TNK2: variants seen among roughly 807,000 people sequenced by gnomAD.
TNK2 encodes activated CDC42 kinase 1.
Under a neutral mutation model 101.8 loss-of-function variants are expected in TNK2, and 83 were observed. The ratio of observed to expected loss-of-function variants is 0.82; its 90% confidence interval spans 0.68 to 0.98. TNK2 has a LOEUF of 0.98. Ranked by LOEUF, TNK2 falls within the 50% of genes least tolerant of loss-of-function variation. TNK2 has a pLI of 0.00. For missense variants in TNK2, 1,665 were observed against 1,483.2 expected, an observed-to-expected ratio of 1.12 and a Z score of -2.01; for synonymous variants, 804 against 633.0, an observed-to-expected ratio of 1.27 and a Z score of -4.06.
chr3:195,898,596 G>T (rs1247685745), intron 1 of TNK2, among the ~76,000 whole-genome samples: 2 of 152,004 alleles, frequency 1.3e-5, no homozygotes, highest in African/African-American at 2.4e-5. Flanking sequence ...CCAAGTGTTT[G>T]CCCTTCCCTA....
At position 195,879,273 on chromosome 3, in the gene TNK2, C is replaced by A. The variant is rs934904581; in HGVS notation, c.888-98G>T. The stretch of plus-strand genomic sequence containing the variant: ...CTCATGCAGCAAACACTTGTTGTGA[C>A]CCCCTGTGCCAGGTTCAACAGTGGG... On this transcript the variant is annotated intron_variant, in intron 6 of 15. Transcript: ENST00000672887. 12 of 1,545,834 alleles carry A rather than the reference C, an allele frequency of 7.8e-6. No homozygotes were observed. In the South Asian group the frequency reaches 1.2e-4, roughly 15 times the overall value.
chr3:195,873,423 G>A (rs1577022408), intron 9 of TNK2, among the ~76,000 whole-genome samples: 1 of 135,098 alleles, frequency 7.4e-6, no homozygotes, highest in Non-Finnish European at 1.6e-5. Flanking sequence ...CTGGGCAGGC[G>A]GGGGCGGTGA....
At chr3:195,900,996 G>C (rs1163308894) in intron 1 of TNK2, among the ~76,000 whole-genome samples, 1 of 152,230 alleles carries the variant, frequency 6.6e-6, no homozygotes, top group Non-Finnish European at 1.5e-5. Context: ...TGCCAGAGCT[G>C]GGAAGTGAAC....
Position 195,867,036 on chromosome 3 carries a change from C to T in TNK2, c.3034-20G>A. On this transcript the variant is annotated intron_variant, in intron 14 of 15. Transcript: ENST00000672887. ...CTCCACCTGGGGGTAAGGGTGGCGCCATGGACACGCGGGCCCAGGGCACCG... is the reference window on the plus strand; with the variant it reads ...CTCCACCTGGGGGTAAGGGTGGCGCTATGGACACGCGGGCCCAGGGCACCG... 6.2e-7 allele frequency: 1 copy of T among 1,612,590 alleles called. No individual in the cohort carries two copies. Among genetic ancestry groups the T allele is most frequent in the Non-Finnish European group, 8.5e-7 (1 of 1,179,624 alleles).
intron 6 of TNK2, among the ~76,000 whole-genome samples, chr3:195,880,515 C>G (rs1201845587): frequency 1.8e-5 from 1 of 55,238 alleles, no homozygotes; most frequent in South Asian, 6.7e-4. Context: ...GTAACACCCC[C>G]CCCCCCAGCA....
chr3:195,892,497 A>G (rs1005449651), intron 1 of TNK2: 1 of 1,535,340 alleles, frequency 6.5e-7, no homozygotes, highest in Non-Finnish European at 8.7e-7. Flanking sequence ...ATCTCCACGC[A>G]GCGGGACCCC....
chr3:195,894,121 T>C, intron 1 of TNK2, among the ~76,000 whole-genome samples: 1 of 152,142 alleles, frequency 6.6e-6, no homozygotes, highest in Non-Finnish European at 1.5e-5. Flanking sequence ...TGCCCTTGCA[T>C]CAGAGAAGCC....
At position 195,893,676 on chromosome 3, in the gene TNK2, G is replaced by A. The variant is rs1001300320; in HGVS notation, c.-18-5070C>T. ...CGGCCCCCAGACACACCTGACAGCT[G>A]CAGGAAGCCCTCTCCAGCTCCCCAG... On this transcript the variant is annotated intron_variant, in intron 1 of 15. Coordinates refer to ENST00000672887, the MANE Select transcript of TNK2 (RefSeq NM_001382273.1). Among the ~76,000 whole-genome samples, 4 of 152,032 alleles carry A rather than the reference G, an allele frequency of 2.6e-5. No homozygotes were observed. The East Asian group carries it at 5.8e-4, about 22-fold the overall frequency.
In TNK2 at chr3:195,885,423, G is replaced by T; in HGVS notation, c.235-390C>A. The stretch of plus-strand genomic sequence containing the variant: ...GACTCCAGCCCTAACCCGCATCGAT[G>T]GAGCCGCAGGGGCCCTCCACAGACA... On this transcript the variant is annotated intron_variant, in intron 3 of 15. Transcript: ENST00000672887. The surrounding 1 kb of genome is among the most constrained non-coding windows in gnomAD (Gnocchi z 4.7). 7.5e-7 allele frequency: 1 copy of T among 1,335,386 alleles called. No homozygotes were observed. Among genetic ancestry groups the T allele is most frequent in the South Asian group, 1.2e-5 (1 of 81,328 alleles). 82.7% of individuals were successfully genotyped at this position (1,335,386 alleles called of 1,614,324 possible).
chr3:195,878,922 G>T lies in TNK2; in HGVS notation c.1014+127C>A, dbSNP rs1026826869. 214 of 1,427,414 alleles carry T rather than the reference G, an allele frequency of 1.5e-4. No homozygotes were observed. The highest frequency in any genetic ancestry group is 2.5e-4 in the Middle Eastern group (1 of 3,972). The allele number at this position is 1,427,414 out of a possible 1,614,324, so 88.4% of individuals were successfully genotyped here. Reference sequence around the variant, plus strand: ...GGGCGTGGTGGGAGGCACGGGAAGTGGGGGGAGGCACGGGGCGTGGGAGGA... The same window carrying T: ...GGGCGTGGTGGGAGGCACGGGAAGTTGGGGGAGGCACGGGGCGTGGGAGGA... On this transcript the variant is annotated intron_variant, in intron 7 of 15. Transcript: ENST00000672887. The surrounding 1 kb of genome is among the most constrained non-coding windows in gnomAD (Gnocchi z 4.7).
intron 10 of TNK2, among the ~76,000 whole-genome samples, chr3:195,871,196 C>T (rs571311001): frequency 1.0e-4 from 13 of 128,844 alleles, no homozygotes; most frequent in African/African-American, 3.9e-4. Flanking sequence ...CAAGAAGCTT[C>T]GGGGGGTGGG....
chr3:195,906,075 C>G (rs6791922), intron 1 of TNK2, among the ~76,000 whole-genome samples: 26 of 151,916 alleles, frequency 1.7e-4, no homozygotes, highest in Non-Finnish European at 2.9e-5. Context: ...AGAAGATGCC[C>G]GACAACATGA....
Position 195,885,439 on chromosome 3 carries a change from T to C in TNK2, c.235-406A>G, listed in dbSNP as rs949369435. The C allele has an allele frequency of 2.1e-5, 28 of 1,322,830 alleles. No homozygotes were observed. The African/African-American group carries it at 4.0e-4, about 19-fold the overall frequency. The allele number at this position is 1,322,830 out of a possible 1,614,324, so 81.9% of individuals were successfully genotyped here. ...CGCATCGATGGAGCCGCAGGGGCCC[T>C]CCACAGACACCTCCTTGTCCATTTT... On this transcript the variant is annotated intron_variant, in intron 3 of 15. Coordinates refer to ENST00000672887, the MANE Select transcript of TNK2 (RefSeq NM_001382273.1). This position sits in a 1 kb window ranked among gnomAD's most constrained non-coding sequence, Gnocchi z 4.7.
intron 1 of TNK2, among the ~76,000 whole-genome samples, chr3:195,897,667 A>G (rs1023212136): frequency 6.6e-6 from 1 of 151,858 alleles, no homozygotes; most frequent in African/African-American, 2.4e-5. Flanking sequence ...ACACCCAGCT[A>G]ATTTTTGTAT....
chr3:195,904,620 G>A (rs1761546728), intron 1 of TNK2, among the ~76,000 whole-genome samples: 1 of 152,186 alleles, frequency 6.6e-6, no homozygotes, highest in Non-Finnish European at 1.5e-5. Flanking sequence ...GGTGACGGCT[G>A]TGCAACAGTA....
intron 1 of TNK2, among the ~76,000 whole-genome samples, chr3:195,900,951 G>A (rs1761144519): frequency 6.6e-6 from 1 of 152,260 alleles, no homozygotes; most frequent in Non-Finnish European, 1.5e-5. Context: ...GTTGGCCCTG[G>A]AGGTGGAGTG....
At chr3:195,903,055 ACAC>A (rs1420707911) in intron 1 of TNK2, among the ~76,000 whole-genome samples, 4 of 146,458 alleles carry the variant, frequency 2.7e-5, no homozygotes, top group Non-Finnish European at 4.5e-5. Context: ...CGGCCAGCTA[ACAC>A]CACTTTTTTT....
At chr3:195,870,917 G>A (rs1744694863) in intron 10 of TNK2, among the ~76,000 whole-genome samples, 1 of 151,602 alleles carries the variant, frequency 6.6e-6, no homozygotes, top group Admixed American at 6.6e-5. Flanking sequence ...CGCTGTGTGG[G>A]TTCTGGTGTG....
intron 1 of TNK2, among the ~76,000 whole-genome samples, chr3:195,890,979 G>C (rs1758193553): frequency 6.6e-6 from 1 of 152,116 alleles, no homozygotes; most frequent in African/African-American, 2.4e-5. Flanking sequence ...TAACGTATTA[G>C]GATACATAAA....
Sources: allele counts gnomAD v4.1 joint callset (sites outside exome capture counted in the v4.1 genomes callset), GRCh38; gene constraint gnomAD v4.1.1; non-coding constraint Gnocchi (gnomAD v3.1); transcripts MANE v1.5; gene names NCBI Gene and HGNC (gene_info 2026-07-23, HGNC 2026-07-21).